Variants in DACH1 observed in about 807,000 individuals in gnomAD.
The protein encoded by DACH1 is dachshund family transcription factor 1, also known as dachshund homolog 1.
Under a neutral mutation model 54.2 loss-of-function variants are expected in DACH1, and 12 were observed. The observed-to-expected ratio is 0.22, with a 90% CI of 0.14 to 0.36. The LOEUF is 0.36. DACH1 is among the 10% of genes least tolerant of loss of function. The pLI is 1.00. For synonymous variants in DACH1, 386 were observed against 366.2 expected, an observed-to-expected ratio of 1.05 and a Z score of -0.62; for missense variants, 805 against 929.8, an observed-to-expected ratio of 0.87 and a Z score of 1.75.
At chr13:71,822,034 C>A (rs1238930891) in intron 1 of DACH1, among the ~76,000 whole-genome samples, 3 of 152,064 alleles carry the variant, frequency 2.0e-5, no homozygotes, top group Admixed American at 6.6e-5. Context: ...GCACTCCAGC[C>A]TGGCAACAGA....
At chr13:71,610,125 A>G (rs982982118) in intron 3 of DACH1, among the ~76,000 whole-genome samples, 3 of 152,172 alleles carry the variant, frequency 2.0e-5, no homozygotes, top group Non-Finnish European at 4.4e-5. Context: ...TTTGCAGTGG[A>G]TGTGGTCATC....
At chr13:71,676,498 A>C (rs1278572766) in intron 2 of DACH1, among the ~76,000 whole-genome samples, 1 of 152,216 alleles carries the variant, frequency 6.6e-6, no homozygotes, top group African/African-American at 2.4e-5. Context: ...GATTACAGGC[A>C]TGAGCCACGT....
At chr13:71,542,105 C>T (rs1363778667) in intron 6 of DACH1, among the ~76,000 whole-genome samples, 1 of 151,672 alleles carries the variant, frequency 6.6e-6, no homozygotes, top group African/African-American at 2.4e-5. Flanking sequence ...AAAAAATTAG[C>T]TGGGCATGGC....
chr13:71,674,440 TACACACACACACACACACAC>T (rs57078245), intron 2 of DACH1, among the ~76,000 whole-genome samples: 10 of 141,044 alleles, frequency 7.1e-5, no homozygotes, highest in East Asian at 2.1e-4. Context: ...AGGGAGATTT[TACACACACACACACACACAC>T]ACACACACAC....
intron 3 of DACH1, among the ~76,000 whole-genome samples, chr13:71,618,351 G>C (rs1360674647): frequency 6.6e-6 from 1 of 152,030 alleles, no homozygotes; most frequent in Non-Finnish European, 1.5e-5. Flanking sequence ...AAACTGCTGA[G>C]TTATGCTTTG....
chr13:71,781,469 C>T (rs892873061), intron 1 of DACH1, among the ~76,000 whole-genome samples: 4 of 151,886 alleles, frequency 2.6e-5, no homozygotes, highest in Non-Finnish European at 4.4e-5. Context: ...AGCTCTGCCT[C>T]CTGGGTTCAT....
chr13:71,597,648 A>G (rs530023400), intron 3 of DACH1, among the ~76,000 whole-genome samples: 2 of 152,274 alleles, frequency 1.3e-5, no homozygotes, highest in South Asian at 4.1e-4. Context: ...GCCTTGGGGA[A>G]TTGATTTGGT....
At chr13:71,547,993 G>A (rs75046193) in intron 6 of DACH1, among the ~76,000 whole-genome samples, 2,169 of 152,246 alleles carry the variant, frequency 0.014, 51 homozygotes, top group African/African-American at 0.05. Flanking sequence ...TCTACCAAGA[G>A]AAGTTAAAGC....
intron 6 of DACH1, among the ~76,000 whole-genome samples, chr13:71,541,616 A>G (rs1462524891): frequency 6.6e-6 from 1 of 152,074 alleles, no homozygotes; most frequent in Non-Finnish European, 1.5e-5. Context: ...GTTCATTTAT[A>G]TGGCATTTTA....
chr13:71,728,411 A>C (rs974241983), intron 1 of DACH1, among the ~76,000 whole-genome samples: 2 of 152,014 alleles, frequency 1.3e-5, no homozygotes, highest in Non-Finnish European at 2.9e-5. Context: ...TTGCTCCCGA[A>C]GAGTCTAAAG....
intron 3 of DACH1, among the ~76,000 whole-genome samples, chr13:71,614,170 C>A (rs1875570403): frequency 6.6e-6 from 1 of 152,094 alleles, no homozygotes; most frequent in African/African-American, 2.4e-5. Context: ...TGGTTTAAAT[C>A]ATCATGGAGG....
intron 1 of DACH1, among the ~76,000 whole-genome samples, chr13:71,748,962 TTCTC>T (rs777988022): frequency 7.5e-5 from 5 of 66,996 alleles, no homozygotes; most frequent in Admixed American, 1.5e-4. Flanking sequence ...CTCTCTTTCT[TTCTC>T]TCTCTCTCTT....
chr13:71,537,452 T>C (rs1423683853), intron 6 of DACH1, among the ~76,000 whole-genome samples: 1 of 152,144 alleles, frequency 6.6e-6, no homozygotes, highest in Admixed American at 6.6e-5. Context: ...TTGATAAGAA[T>C]ATAAATTTTA....
intron 6 of DACH1, among the ~76,000 whole-genome samples, chr13:71,554,188 TATGA>T (rs1182467864): frequency 6.6e-6 from 1 of 152,028 alleles, no homozygotes; most frequent in Non-Finnish European, 1.5e-5. Flanking sequence ...TTAGAAAGCC[TATGA>T]ATATTTACTA....
chr13:71,845,064 T>C (rs1873135735), intron 1 of DACH1, among the ~76,000 whole-genome samples: 2 of 152,096 alleles, frequency 1.3e-5, no homozygotes, highest in African/African-American at 4.8e-5. Context: ...AGGGTACCTA[T>C]AGTTAATAAT....
At chr13:71,467,951 C>T (rs575578594) in intron 10 of DACH1, among the ~76,000 whole-genome samples, 24 of 152,184 alleles carry the variant, frequency 1.6e-4, no homozygotes, top group Non-Finnish European at 2.6e-4. Context: ...CAGGCAGCCC[C>T]GAAAACAGTT....
intron 1 of DACH1, among the ~76,000 whole-genome samples, chr13:71,748,844 C>CTT (rs1884725352): frequency 4.6e-5 from 6 of 131,146 alleles, no homozygotes; most frequent in Non-Finnish European, 6.2e-5. Flanking sequence ...AATATTTTTT[C>CTT]TCTTTCTTTC....
At chr13:71,761,968 G>A (rs1470697762) in intron 1 of DACH1, among the ~76,000 whole-genome samples, 2 of 152,048 alleles carry the variant, frequency 1.3e-5, no homozygotes, top group African/African-American at 4.8e-5. Context: ...AACTAGGAGT[G>A]TTACTAGCAA....
intron 3 of DACH1, among the ~76,000 whole-genome samples, chr13:71,583,147 T>C (rs1171011287): frequency 6.6e-6 from 1 of 152,170 alleles, no homozygotes; most frequent in East Asian, 1.9e-4. Flanking sequence ...ATTTAATTAT[T>C]GTAACCATAA....
Sources: allele counts gnomAD v4.1 joint callset (sites outside exome capture counted in the v4.1 genomes callset), GRCh38; gene constraint gnomAD v4.1.1; transcripts MANE v1.5; gene names NCBI Gene and HGNC (gene_info 2026-07-23, HGNC 2026-07-21).